The following GFRA2 variants were observed in gnomAD, a reference collection of about 807,000 sequenced individuals.
GFRA2 encodes the protein GDNF family receptor alpha-2.
In GFRA2, 17 loss-of-function variants were observed where a neutral mutation model predicts 48.3. The ratio of observed to expected loss-of-function variants is 0.35; its 90% CI spans 0.24 to 0.53. The LOEUF is 0.53. GFRA2 is among the 20% of genes least tolerant of loss of function. GFRA2 has a pLI of 0.93. For synonymous variants in GFRA2, 305 were observed against 257.2 expected (o/e 1.19, Z -1.78); for missense variants, 660 against 637.3 (o/e 1.04, Z -0.38).
At chr8:21,733,593 A>G (rs2117509699) in intron 4 of GFRA2, among the ~76,000 whole-genome samples, 1 of 152,290 alleles carries the variant, frequency 6.6e-6, no homozygotes, top group South Asian at 2.1e-4. Flanking sequence ...CCCAGGCCGA[A>G]TAGGACCCGT....
chr8:21,758,436 G>T (rs922818353), intron 3 of GFRA2, among the ~76,000 whole-genome samples: 1 of 152,100 alleles, frequency 6.6e-6, no homozygotes, highest in African/African-American at 2.4e-5. Context: ...CAGCCAATGG[G>T]GACCCAGGTG....
At chr8:21,762,589 G>A (rs1461414811) in intron 3 of GFRA2, among the ~76,000 whole-genome samples, 1 of 152,158 alleles carries the variant, frequency 6.6e-6, no homozygotes, top group South Asian at 2.1e-4. Context: ...CAAATACACT[G>A]AACATCAATT....
intron 4 of GFRA2, among the ~76,000 whole-genome samples, chr8:21,742,040 G>A (rs925800331): frequency 2.0e-5 from 3 of 152,170 alleles, no homozygotes; most frequent in Admixed American, 1.3e-4. Context: ...GCCACGTGAT[G>A]TCACAGGAAG....
intron 1 of GFRA2, among the ~76,000 whole-genome samples, chr8:21,809,180 T>C (rs1051457879): frequency 4.6e-5 from 7 of 152,142 alleles, no homozygotes; most frequent in African/African-American, 1.7e-4. Context: ...CACTCCATGC[T>C]TTTTCCTGTT....
At chr8:21,695,147 T>G (rs1057333180) in intron 7 of GFRA2, among the ~76,000 whole-genome samples, 1 of 152,192 alleles carries the variant, frequency 6.6e-6, no homozygotes, top group Non-Finnish European at 1.5e-5. Flanking sequence ...CTGGGAACAC[T>G]GTGGGCAAGG....
chr8:21,696,091 C>T (rs1802155016), intron 7 of GFRA2, among the ~76,000 whole-genome samples: 1 of 121,740 alleles, frequency 8.2e-6, no homozygotes, highest in Non-Finnish European at 1.7e-5. Flanking sequence ...CCTCTCTCCC[C>T]TCCCCCTCCT....
chr8:21,739,265 T>C (rs1804634866), intron 4 of GFRA2, among the ~76,000 whole-genome samples: 1 of 152,132 alleles, frequency 6.6e-6, no homozygotes, highest in Admixed American at 6.5e-5. Flanking sequence ...AGGATGCCAG[T>C]AGTGATCTGA....
chr8:21,723,202 C>A lies in GFRA2; in HGVS notation c.795-17161G>T, dbSNP rs1340239896. 1.2e-4 allele frequency among the ~76,000 whole-genome samples: 19 copies of A among 152,292 alleles called. No individual in the cohort carries two copies. The East Asian group carries it at 2.1e-3, about 17-fold the overall frequency. On this transcript the variant is annotated intron_variant, in intron 4 of 8. Transcript: ENST00000524240. ...TTCTATATAAAGTTCTAACACCAAG[C>A]AAGAAGGAATGAGGAGACTCTTAGT...
At chr8:21,707,832 A>G (rs527658522) in intron 4 of GFRA2, among the ~76,000 whole-genome samples, 29 of 152,328 alleles carry the variant, frequency 1.9e-4, no homozygotes, top group African/African-American at 6.5e-4. Flanking sequence ...TGACTTATAC[A>G]CTTACATGGT....
At chr8:21,700,820 C>A (rs1802436957) in intron 7 of GFRA2, among the ~76,000 whole-genome samples, 1 of 152,102 alleles carries the variant, frequency 6.6e-6, no homozygotes, top group African/African-American at 2.4e-5. Context: ...TACAGGCTCC[C>A]CCACCCTTCC....
At chr8:21,701,362 C>A (rs1802467276) in intron 7 of GFRA2, among the ~76,000 whole-genome samples, 1 of 152,140 alleles carries the variant, frequency 6.6e-6, no homozygotes, top group South Asian at 2.1e-4. Context: ...CCACTGCACT[C>A]CAGCCTGGGC....
intron 3 of GFRA2, among the ~76,000 whole-genome samples, chr8:21,760,799 C>G (rs1432482381): frequency 6.6e-6 from 1 of 152,162 alleles, no homozygotes; most frequent in African/African-American, 2.4e-5. Context: ...GGACAGAACT[C>G]TGGGTCGCCT....
chr8:21,717,831 C>T (rs1457564303), intron 4 of GFRA2, among the ~76,000 whole-genome samples: 1 of 152,178 alleles, frequency 6.6e-6, no homozygotes, highest in Non-Finnish European at 1.5e-5. Context: ...CAACCAAGAC[C>T]TCAGGGGGGC....
At chr8:21,703,860 G>C (rs1408648464) in intron 6 of GFRA2, among the ~76,000 whole-genome samples, 1 of 152,186 alleles carries the variant, frequency 6.6e-6, no homozygotes, top group Non-Finnish European at 1.5e-5. Flanking sequence ...CTCTGTGTCA[G>C]GTCACCTGTC....
intron 3 of GFRA2, among the ~76,000 whole-genome samples, chr8:21,768,957 A>T (rs1247796567): frequency 6.6e-6 from 1 of 152,162 alleles, no homozygotes; most frequent in Non-Finnish European, 1.5e-5. Flanking sequence ...CCATGATGCC[A>T]CCAGGAACAT....
chr8:21,710,089 T>G (rs541567295), intron 4 of GFRA2, among the ~76,000 whole-genome samples: 4 of 152,264 alleles, frequency 2.6e-5, no homozygotes, highest in Admixed American at 2.6e-4. Context: ...ACCCAGCCAC[T>G]GGGGAAGGAG....
At position 21,695,849 on chromosome 8, in the gene GFRA2, C is replaced by T. The variant is rs985189138; in HGVS notation, c.1219-1332G>A. 7.9e-5 allele frequency among the ~76,000 whole-genome samples: 12 copies of T among 152,282 alleles called. No individual in the cohort carries two copies. In the East Asian group the frequency reaches 1.9e-3, roughly 24 times the overall value. On this transcript the variant is annotated intron_variant, in intron 7 of 8. Coordinates refer to ENST00000524240, the MANE Select transcript of GFRA2 (RefSeq NM_001495.5). ...CCCTTGGCCAATCCTTGCTCAGTCACCTCAGTCCCTACTTGTGACATCCTA... is the reference window on the plus strand; with the variant it reads ...CCCTTGGCCAATCCTTGCTCAGTCATCTCAGTCCCTACTTGTGACATCCTA...
intron 3 of GFRA2, among the ~76,000 whole-genome samples, chr8:21,753,552 G>A (rs1430027805): frequency 1.3e-5 from 2 of 152,102 alleles, no homozygotes; most frequent in African/African-American, 4.8e-5. Flanking sequence ...CCGGGAGGCA[G>A]AGGTTGCAGT....
chr8:21,809,679 A>G (rs1280006422), intron 1 of GFRA2, among the ~76,000 whole-genome samples: 1 of 152,096 alleles, frequency 6.6e-6, no homozygotes, highest in Non-Finnish European at 1.5e-5. Context: ...CCAGTTCCCT[A>G]CCTGGCCCCT....
Sources: gnomAD v4.1 joint callset for allele counts (sites outside exome capture counted in the v4.1 genomes callset) on GRCh38, gnomAD v4.1.1 for gene constraint, MANE v1.5 for transcripts, NCBI Gene and HGNC (gene_info 2026-07-23, HGNC 2026-07-21) for gene names.